SLC44A5: variants seen among roughly 807,000 people sequenced by gnomAD.
SLC44A5 encodes the protein solute carrier family 44 member 5.
SLC44A5 carries 57 observed loss-of-function variants against 101.8 expected under a neutral mutation model. The observed-to-expected ratio is 0.56, with a 90% CI of 0.45 to 0.70. SLC44A5 has a LOEUF of 0.70. Among genes scored for constraint, SLC44A5 ranks in the 30% least tolerant of loss-of-function variants. The probability of loss-of-function intolerance (pLI) is 0.00; values close to 1 mark genes in which losing one functional copy is unlikely to be tolerated. For synonymous variants in SLC44A5, 281 were observed against 290.9 expected (o/e 0.97, Z 0.35); for missense variants, 737 against 853.1 (o/e 0.86, Z 1.70).
chr1:75,518,535 TA>T (rs1488603049), intron 2 of SLC44A5, among the ~76,000 whole-genome samples: 8 of 152,152 alleles, frequency 5.3e-5, no homozygotes, highest in African/African-American at 1.9e-4. Flanking sequence ...GAGTACTCAA[TA>T]GATGTTGCTA....
chr1:75,236,903 A>G, intron 11 of SLC44A5, 84 bp downstream of exon 11: 1 of 705,268 alleles, frequency 1.4e-6, no homozygotes. Flanking sequence ...TTCATGAATA[A>G]AAATATAAAA....
chr1:75,544,519 AC>A (rs1671538185), intron 1 of SLC44A5, among the ~76,000 whole-genome samples: 1 of 152,104 alleles, frequency 6.6e-6, no homozygotes, highest in African/African-American at 2.4e-5. Flanking sequence ...ACACACACAC[AC>A]ACACACAACA....
intron 1 of SLC44A5, among the ~76,000 whole-genome samples, chr1:75,550,985 T>C (rs1671904897): frequency 6.6e-6 from 1 of 152,186 alleles, no homozygotes; most frequent in African/African-American, 2.4e-5. Context: ...CTATCTAAGA[T>C]AATTGTTGTT....
At position 75,339,582 on chromosome 1, in the gene SLC44A5, C is replaced by A; in HGVS notation, c.101G>T (p.Arg34Met). Reference sequence around the variant, plus strand: ...TATTCCCCAAAAAATAATTGCTTACCTGTTGGCAACAGGCCCCTTGAAATC... The same window carrying A: ...TATTCCCCAAAAAATAATTGCTTACATGTTGGCAACAGGCCCCTTGAAATC... Reference protein sequence around the residue: ...DPDFKGPVANRSCTDVLCCMI... With the variant: ...DPDFKGPVANMSCTDVLCCMI... The change falls in exon 4 of 24, where the codon AGG (arginine) becomes ATG (methionine). Residue 34 changes from arginine to methionine, a missense_variant and splice_region_variant. This residue lies in a region of SLC44A5 where 665 missense variants were observed against 764.4 expected (regional missense o/e 0.87). Coordinates refer to ENST00000370859, the MANE Select transcript of SLC44A5 (RefSeq NM_001130058.2). 6.2e-7 allele frequency: 1 copy of A among 1,602,172 alleles called. No individual in the cohort carries two copies. Among genetic ancestry groups the A allele is most frequent in the East Asian group, 2.3e-5 (1 of 44,300 alleles).
chr1:75,384,946 C>T (rs1661197804), intron 3 of SLC44A5, among the ~76,000 whole-genome samples: 2 of 150,728 alleles, frequency 1.3e-5, no homozygotes, highest in Non-Finnish European at 3.0e-5. Context: ...ACAACCTGCT[C>T]CTGAATGACT....
intron 1 of SLC44A5, among the ~76,000 whole-genome samples, chr1:75,568,415 T>A (rs1672899165): frequency 1.3e-5 from 2 of 152,106 alleles, no homozygotes; most frequent in Non-Finnish European, 2.9e-5. Flanking sequence ...AGAGGATAAA[T>A]AGAAGATGAA....
At chr1:75,723,445 G>A in the SLC44A5 span, among the ~76,000 whole-genome samples, 2 of 152,142 alleles carry the variant, frequency 1.3e-5, no homozygotes. Context: ...GTGAATGGTG[G>A]CAGGAACTAC....
the SLC44A5 span, among the ~76,000 whole-genome samples, chr1:75,643,891 A>C: frequency 6.6e-6 from 1 of 152,212 alleles, no homozygotes; most frequent in African/African-American, 2.4e-5. Context: ...CAGTAATGTG[A>C]GTATACATGG....
intron 2 of SLC44A5, among the ~76,000 whole-genome samples, chr1:75,479,432 A>T (rs1431566141): frequency 6.6e-6 from 1 of 152,220 alleles, no homozygotes; most frequent in African/African-American, 2.4e-5. Context: ...AGAGACACAA[A>T]AAACCCTTCA....
chr1:75,631,458 C>T, the SLC44A5 span, among the ~76,000 whole-genome samples: 1 of 151,876 alleles, frequency 6.6e-6, no homozygotes, highest in Non-Finnish European at 1.5e-5. Flanking sequence ...CTGCAACCTC[C>T]ACCTCCTGGG....
chr1:75,399,772 C>T (rs1662357811), intron 2 of SLC44A5, among the ~76,000 whole-genome samples: 1 of 152,014 alleles, frequency 6.6e-6, no homozygotes, highest in Non-Finnish European at 1.5e-5. Flanking sequence ...AAATATGTTG[C>T]TTTATTTAGT....
At chr1:75,498,994 T>C (rs910650444) in intron 2 of SLC44A5, among the ~76,000 whole-genome samples, 7 of 152,208 alleles carry the variant, frequency 4.6e-5, no homozygotes, top group Non-Finnish European at 7.3e-5. Flanking sequence ...ATATTTTTAC[T>C]GTGCCTTTTC....
At chr1:75,572,956 C>A (rs1366644261) in intron 1 of SLC44A5, among the ~76,000 whole-genome samples, 2 of 151,696 alleles carry the variant, frequency 1.3e-5, no homozygotes, top group Non-Finnish European at 2.9e-5. Flanking sequence ...AACCCCGTCT[C>A]TACTAATAAT....
chr1:75,492,512 C>T (rs1326335727), intron 2 of SLC44A5, among the ~76,000 whole-genome samples: 1 of 152,120 alleles, frequency 6.6e-6, no homozygotes, highest in African/African-American at 2.4e-5. Context: ...GAAAAGGACA[C>T]AGTCCTTTAC....
chr1:75,578,309 A>G (rs1406506801), intron 1 of SLC44A5, among the ~76,000 whole-genome samples: 1 of 152,110 alleles, frequency 6.6e-6, no homozygotes, highest in Non-Finnish European at 1.5e-5. Flanking sequence ...TCTGTGATTA[A>G]TAACTGAAAT....
rs775762943 is a variant in SLC44A5, at chr1:75,227,740, G to A, written c.971C>T (p.Thr324Ile). The A allele has an allele frequency of 1.3e-6, 2 of 1,556,094 alleles. No individual in the cohort carries two copies. Among genetic ancestry groups the A allele is most frequent in the Non-Finnish European group, 1.7e-6 (2 of 1,162,672 alleles). Residue 324 changes from threonine to isoleucine, a missense_variant, in exon 13 of 24, where the codon ACA becomes ATA. Physicochemically the swap from Thr to Ile is moderately conservative, Grantham distance 89 (BLOSUM62 -1). Transcript: ENST00000370859. ...AAAATACTCACTAAATGTGAACCAT[G>A]TTTGTTGCAGTTCAAAGTACATGCT... ...NISMYFELQQ[T>I]WFTFMIILCI...
intron 4 of SLC44A5, among the ~76,000 whole-genome samples, chr1:75,302,183 T>C (rs1403591006): frequency 8.2e-6 from 1 of 121,574 alleles, no homozygotes; most frequent in Non-Finnish European, 1.6e-5. Context: ...GTGAGCAGGG[T>C]ATCTGTTTCA....
chr1:75,541,672 G>A (rs549061637), intron 1 of SLC44A5, among the ~76,000 whole-genome samples, 156 bp from the exon 2 acceptor site: 8 of 152,088 alleles, frequency 5.3e-5, no homozygotes, highest in South Asian at 4.2e-4. Context: ...ATAAAATACC[G>A]CAGATATTTT....
chr1:75,673,637 G>T, the SLC44A5 span, among the ~76,000 whole-genome samples: 1 of 152,126 alleles, frequency 6.6e-6, no homozygotes, highest in Non-Finnish European at 1.5e-5. Context: ...TTGGCTTCAG[G>T]CCTGACCCAG....
Sources: gnomAD v4.1 joint callset for allele counts (sites outside exome capture counted in the v4.1 genomes callset) on GRCh38, gnomAD v4.1.1 for gene constraint, gnomAD v4.1.1 regional missense constraint, MANE v1.5 for transcripts, NCBI Gene and HGNC (gene_info 2026-07-23, HGNC 2026-07-21) for gene names.